AGT: variants seen among roughly 807,000 people sequenced by gnomAD.
The protein encoded by AGT is angiotensinogen.
A neutral mutation model predicts 28.1 loss-of-function variants in AGT; 26 were observed. The ratio of observed to expected loss-of-function variants is 0.92; its 90% CI spans 0.68 to 1.28. AGT has a LOEUF of 1.28. Ranked by LOEUF, AGT falls within the 50% of genes most tolerant of loss-of-function variation. AGT has a pLI of 0.00. For missense variants in AGT, 596 were observed against 592.3 expected, an observed-to-expected ratio of 1.01 and a Z score of -0.06; for synonymous variants, 259 against 259.6, an observed-to-expected ratio of 1.00 and a Z score of 0.02.
chr1:230,711,069 T>G (rs1006258002), intron 1 of AGT, among the ~76,000 whole-genome samples: 7 of 152,192 alleles, frequency 4.6e-5, no homozygotes, highest in African/African-American at 1.4e-4. Context: ...CTGAATTATG[T>G]CCTACCTCCC....
chr1:230,733,744 C>T (rs904861846), intron 1 of AGT, among the ~76,000 whole-genome samples: 1 of 152,166 alleles, frequency 6.6e-6, no homozygotes, highest in Non-Finnish European at 1.5e-5. Flanking sequence ...ACTGTTTTCA[C>T]CCTAGTCTCT....
chr1:230,716,604 T>C (rs1368948074), upstream of AGT, among the ~76,000 whole-genome samples: 3 of 152,326 alleles, frequency 2.0e-5, no homozygotes, highest in Admixed American at 1.3e-4. Context: ...ATAAGTCTCA[T>C]GAGATCTGAT....
At chr1:230,739,895 C>T (rs144236051) in intron 1 of AGT, among the ~76,000 whole-genome samples, 2 of 152,016 alleles carry the variant, frequency 1.3e-5, no homozygotes, top group African/African-American at 2.4e-5. Flanking sequence ...TTGGACCTCA[C>T]GCAAGAAAGA....
At chr1:230,720,375 G>A (rs1663818951) in intron 1 of AGT, among the ~76,000 whole-genome samples, 1 of 152,160 alleles carries the variant, frequency 6.6e-6, no homozygotes, top group African/African-American at 2.4e-5. Context: ...GTAATAATCT[G>A]TTGGAGGCTG....
upstream of AGT, among the ~76,000 whole-genome samples, chr1:230,716,687 C>G (rs1663744480): frequency 6.6e-6 from 1 of 152,188 alleles, no homozygotes; most frequent in African/African-American, 2.4e-5. Flanking sequence ...TGTGCTTTTG[C>G]TCCTCCTTCA....
intron 1 of AGT, among the ~76,000 whole-genome samples, chr1:230,740,420 T>C (rs1375440164): frequency 2.0e-5 from 3 of 152,166 alleles, no homozygotes; most frequent in Admixed American, 6.5e-5. Context: ...TCAGCCTTAT[T>C]TTACCCAACC....
At chr1:230,719,190 A>T (rs1663795718), upstream of AGT, among the ~76,000 whole-genome samples, 2 of 151,946 alleles carry the variant, frequency 1.3e-5, no homozygotes, top group Admixed American at 1.3e-4. Flanking sequence ...CTAGGTGTTG[A>T]CTTTATTTCC....
At chr1:230,719,383 T>TTTTTTATTA (rs1553314955), upstream of AGT, among the ~76,000 whole-genome samples, 1 of 147,730 alleles carries the variant, frequency 6.8e-6, no homozygotes, top group Admixed American at 6.8e-5. Context: ...CTTTCTATTT[T>TTTTTTATTA]TTATTATTAT....
upstream of AGT, among the ~76,000 whole-genome samples, chr1:230,716,108 G>C (rs1428212476): frequency 6.6e-6 from 1 of 152,242 alleles, no homozygotes; most frequent in Non-Finnish European, 1.5e-5. Flanking sequence ...CTTGTTGCAA[G>C]ATTGGTTAAA....
upstream of AGT, among the ~76,000 whole-genome samples, chr1:230,715,475 T>G (rs1426782820): frequency 6.6e-6 from 1 of 152,196 alleles, no homozygotes; most frequent in Non-Finnish European, 1.5e-5. Flanking sequence ...ATTGCACCAC[T>G]GCACTCGAGC....
At chr1:230,706,252 G>A in intron 2 of AGT, 52 bp from the exon 3 acceptor site, 2 of 1,596,150 alleles carry the variant, frequency 1.3e-6, no homozygotes, top group Non-Finnish European at 1.7e-6. Flanking sequence ...GACAGGGGCA[G>A]GAATGAGGGC....
chr1:230,724,686 T>C (rs771189018), intron 1 of AGT, among the ~76,000 whole-genome samples: 6 of 151,866 alleles, frequency 4.0e-5, no homozygotes, highest in Non-Finnish European at 7.4e-5. Flanking sequence ...TTATCTAGGT[T>C]TGGTGGCACG....
chr1:230,715,713 G>C (rs1182491299), upstream of AGT, among the ~76,000 whole-genome samples: 3 of 152,186 alleles, frequency 2.0e-5, no homozygotes, highest in African/African-American at 7.2e-5. Context: ...TAAGGATCTA[G>C]CACTGATTAA....
chr1:230,742,594 C>T (rs920474933), intron 1 of AGT, among the ~76,000 whole-genome samples: 4 of 152,144 alleles, frequency 2.6e-5, no homozygotes, highest in Non-Finnish European at 4.4e-5. Flanking sequence ...GGATTACAGG[C>T]GTGAGCCACT....
In AGT at chr1:230,721,597, C is replaced by A. The variant is rs574818444; in HGVS notation, c.-30-10744G>T. On this transcript the variant is annotated intron_variant, in intron 1 of 4. Transcript: ENST00000681269. ...GAAGATGTGGGAAAGTTTAGAACTT[C>A]CTAGAGACTTGTTGAATGGTTTTGA... 2.6e-5 allele frequency among the ~76,000 whole-genome samples: 4 copies of A among 152,268 alleles called. No homozygotes were observed. In the East Asian group the frequency reaches 7.7e-4, roughly 29 times the overall value.
chr1:230,715,062 G>T (rs183065054), upstream of AGT, among the ~76,000 whole-genome samples: 2 of 152,208 alleles, frequency 1.3e-5, no homozygotes, highest in East Asian at 3.9e-4. Context: ...ACACAAGCAG[G>T]TTCAAGGAGC....
intron 1 of AGT, among the ~76,000 whole-genome samples, chr1:230,741,603 G>T (rs991127519): frequency 4.6e-5 from 7 of 152,198 alleles, no homozygotes; most frequent in African/African-American, 1.7e-4. Context: ...ACTAGGACAG[G>T]GGTGAAACTA....
intron 1 of AGT, among the ~76,000 whole-genome samples, chr1:230,732,955 C>A (rs1664093354): frequency 6.6e-6 from 1 of 151,800 alleles, no homozygotes; most frequent in Non-Finnish European, 1.5e-5. Flanking sequence ...CCATCCCAGG[C>A]ACAGAGGACA....
At chr1:230,734,067 C>T (rs530757730) in intron 1 of AGT, among the ~76,000 whole-genome samples, 4 of 152,182 alleles carry the variant, frequency 2.6e-5, no homozygotes, top group South Asian at 2.1e-4. Flanking sequence ...TTAACAAGTG[C>T]GGGTCCCTGG....
Sources: gnomAD v4.1 joint callset for allele counts (sites outside exome capture counted in the v4.1 genomes callset) on GRCh38, gnomAD v4.1.1 for gene constraint, MANE v1.5 for transcripts, NCBI Gene and HGNC (gene_info 2026-07-23, HGNC 2026-07-21) for gene names.